The following CTNNBL1 variants were observed in gnomAD, a reference collection of about 807,000 sequenced individuals.
CTNNBL1 encodes beta-catenin-like protein 1.
Under a neutral mutation model 72.7 loss-of-function variants are expected in CTNNBL1, and 31 were observed. That is an observed-to-expected ratio of 0.43 (90% CI 0.32 to 0.58). CTNNBL1 has a LOEUF of 0.58. CTNNBL1 is among the 20% of genes least tolerant of loss of function. The probability of loss-of-function intolerance (pLI) is 0.08; values close to 1 mark genes in which losing one functional copy is unlikely to be tolerated. For missense variants in CTNNBL1, 534 were observed against 725.1 expected, an observed-to-expected ratio of 0.74 and a Z score of 3.03; for synonymous variants, 240 against 267.3, an observed-to-expected ratio of 0.90 and a Z score of 1.00.
chr20:37,740,462 G>A (rs1156458265), intron 3 of CTNNBL1, among the ~76,000 whole-genome samples: 1 of 152,206 alleles, frequency 6.6e-6, no homozygotes, highest in Non-Finnish European at 1.5e-5. Context: ...TCAGTTGACA[G>A]TTCTCCTTAT....
chr20:37,864,872 C>T (rs1000231638), intron 15 of CTNNBL1, among the ~76,000 whole-genome samples: 2 of 152,080 alleles, frequency 1.3e-5, no homozygotes, highest in Non-Finnish European at 2.9e-5. Context: ...GTAGAGTAGT[C>T]ACTTACCGAG....
At chr20:37,763,711 C>T (rs1600472625) in intron 5 of CTNNBL1, among the ~76,000 whole-genome samples, 1 of 152,118 alleles carries the variant, frequency 6.6e-6, no homozygotes, top group Non-Finnish European at 1.5e-5. Context: ...TCCATTCTCT[C>T]CCGTCATTGA....
chr20:37,832,790 CTTT>C (rs200142358), intron 11 of CTNNBL1, among the ~76,000 whole-genome samples: 311 of 147,948 alleles, frequency 2.1e-3, no homozygotes, highest in Middle Eastern at 3.5e-3. Context: ...GTGGACCATA[CTTT>C]TTTTTTTTTT....
chr20:37,809,868 A>G (rs1237883369), intron 11 of CTNNBL1, among the ~76,000 whole-genome samples: 1 of 152,204 alleles, frequency 6.6e-6, no homozygotes, highest in African/African-American at 2.4e-5. Context: ...AAATGAATTT[A>G]TTTAACATCT....
At chr20:37,736,493 C>A (rs899471100) in intron 2 of CTNNBL1, among the ~76,000 whole-genome samples, 2 of 152,104 alleles carry the variant, frequency 1.3e-5, no homozygotes, top group Non-Finnish European at 2.9e-5. Flanking sequence ...TTACTCTCTG[C>A]CATACAGTGT....
chr20:37,780,189 G>A (rs1008556304), intron 10 of CTNNBL1, among the ~76,000 whole-genome samples: 2 of 151,740 alleles, frequency 1.3e-5, no homozygotes, highest in African/African-American at 4.8e-5. Flanking sequence ...AATGGAGCCA[G>A]AGTCTGCTGT....
In CTNNBL1 at chr20:37,779,346, A is replaced by T; in HGVS notation, c.1031+11A>T. 6.2e-7 allele frequency: 1 copy of T among 1,612,480 alleles called. No homozygotes were observed. The highest frequency in any genetic ancestry group is 8.5e-7 in the Non-Finnish European group (1 of 1,178,800). On this transcript the variant is annotated intron_variant, in intron 10 of 15. Coordinates refer to ENST00000361383, the MANE Select transcript of CTNNBL1 (RefSeq NM_030877.5). ...GAATCTCATGCTCAGGTATGTTTCGAATGCCCTAGTTCTCCCACCTTTTTT... is the reference window on the plus strand; with the variant it reads ...GAATCTCATGCTCAGGTATGTTTCGTATGCCCTAGTTCTCCCACCTTTTTT...
At chr20:37,734,220 C>T (rs962291970) in intron 2 of CTNNBL1, among the ~76,000 whole-genome samples, 90 of 152,212 alleles carry the variant, frequency 5.9e-4, no homozygotes, top group African/African-American at 1.8e-3. Context: ...TGTGTTGTGA[C>T]AATAGCTCTG....
At chr20:37,798,146 C>T (rs2122727454) in intron 10 of CTNNBL1, among the ~76,000 whole-genome samples, 1 of 152,348 alleles carries the variant, frequency 6.6e-6, no homozygotes, top group Middle Eastern at 3.4e-3. Context: ...CTTGTCTCTG[C>T]ATCCTGGACT....
chr20:37,767,740 C>T (rs189632825), intron 6 of CTNNBL1, among the ~76,000 whole-genome samples: 80 of 152,256 alleles, frequency 5.3e-4, no homozygotes, highest in Non-Finnish European at 9.1e-4. Flanking sequence ...TTGTGAGTTC[C>T]ATCATTTTCA....
chr20:37,698,353 T>C (rs2072810920), intron 1 of CTNNBL1, among the ~76,000 whole-genome samples: 1 of 152,206 alleles, frequency 6.6e-6, no homozygotes, highest in Non-Finnish European at 1.5e-5. Flanking sequence ...CTTTGGTTAA[T>C]TGGCCGGCTA....
At chr20:37,730,381 C>T (rs1389179572) in intron 1 of CTNNBL1, among the ~76,000 whole-genome samples, 2 of 152,162 alleles carry the variant, frequency 1.3e-5, no homozygotes, top group Admixed American at 1.3e-4. Flanking sequence ...ATGTGGATTA[C>T]CTCACAGTGA....
At chr20:37,744,006 C>T (rs1045917650) in intron 3 of CTNNBL1, among the ~76,000 whole-genome samples, 16 of 151,622 alleles carry the variant, frequency 1.1e-4, no homozygotes, top group African/African-American at 3.6e-4. Context: ...TGTCAAAAAG[C>T]ACAATGTACA....
chr20:37,831,703 G>A (rs2072211535), intron 11 of CTNNBL1, among the ~76,000 whole-genome samples: 1 of 152,094 alleles, frequency 6.6e-6, no homozygotes. Context: ...ATAAAATGAT[G>A]AGCTTCTCTA....
At chr20:37,762,695 G>C (rs549190736) in intron 5 of CTNNBL1, among the ~76,000 whole-genome samples, 1 of 152,168 alleles carries the variant, frequency 6.6e-6, no homozygotes, top group Non-Finnish European at 1.5e-5. Flanking sequence ...ATGCTAATAT[G>C]TACTTTTACT....
At chr20:37,825,980 G>A (rs1276596633) in intron 11 of CTNNBL1, among the ~76,000 whole-genome samples, 3 of 152,134 alleles carry the variant, frequency 2.0e-5, no homozygotes, top group Admixed American at 6.5e-5. Flanking sequence ...AGGAGGCGGC[G>A]GTGTACACAC....
intron 15 of CTNNBL1, among the ~76,000 whole-genome samples, chr20:37,861,336 C>T (rs1211763739): frequency 2.0e-5 from 3 of 152,214 alleles, no homozygotes; most frequent in Admixed American, 1.3e-4. Context: ...AGTTACAAGG[C>T]GGGGCCCCTG....
chr20:37,732,809 A>C, intron 1 of CTNNBL1, 70 bp from the exon 2 acceptor site: 5 of 1,449,592 alleles, frequency 3.4e-6, no homozygotes, highest in Non-Finnish European at 4.7e-6. Context: ...CTGGGATTAT[A>C]GGCATGAGCC....
chr20:37,840,105 A>G lies in CTNNBL1; in HGVS notation c.1217A>G (p.His406Arg). 1 of 1,612,544 alleles carries G rather than the reference A, an allele frequency of 6.2e-7. No homozygotes were observed. Among genetic ancestry groups the G allele is most frequent in the East Asian group, 2.2e-5 (1 of 44,868 alleles). The change falls in exon 12 of 16, where the codon CAT (histidine) becomes CGT (arginine). Residue 406 changes from histidine (H) to arginine (R), a missense_variant. Transcript: ENST00000361383. The stretch of plus-strand genomic sequence containing the variant: ...TCTTTTCTCTTTCCCAACCCAGAGC[A>G]TGTCTGTTCGATCCTGGCTTCCCTC... The part of the protein sequence containing the change: ...VGTTEKEHEE[H>R]VCSILASLLR...
Sources: allele counts gnomAD v4.1 joint callset (sites outside exome capture counted in the v4.1 genomes callset), GRCh38; gene constraint gnomAD v4.1.1; transcripts MANE v1.5; gene names NCBI Gene and HGNC (gene_info 2026-07-23, HGNC 2026-07-21).